TCF4: variants seen among roughly 807,000 people sequenced by gnomAD.
TCF4 encodes the protein SL3-3 enhancer factor 2.
Under a neutral mutation model 82.1 loss-of-function variants are expected in TCF4, and 3 were observed. That is an observed-to-expected ratio of 0.04 (90% CI 0.02 to 0.09). TCF4 has a LOEUF of 0.09. Ranked by LOEUF, TCF4 falls within the 10% of genes least tolerant of loss-of-function variation. TCF4 has a pLI of 1.00. For missense variants in TCF4, 518 were observed against 852.7 expected (o/e 0.61, Z 4.89); for synonymous variants, 276 against 309.6 (o/e 0.89, Z 1.14).
At chr18:55,251,277 A>C (rs930228716) in intron 15 of TCF4, among the ~76,000 whole-genome samples, 2 of 152,142 alleles carry the variant, frequency 1.3e-5, no homozygotes, top group African/African-American at 4.8e-5. Flanking sequence ...GAGAGCTTGC[A>C]AGTATACAAA....
chr18:55,409,513 T>A (rs915191353), intron 5 of TCF4, among the ~76,000 whole-genome samples: 2 of 152,100 alleles, frequency 1.3e-5, no homozygotes, highest in African/African-American at 4.8e-5. Flanking sequence ...GGCTTTCAAT[T>A]TAGTTTTATA....
Position 55,225,398 on chromosome 18 carries a change from T to G in TCF4, c.*2637A>C, listed in dbSNP as rs2046460223. 6.6e-6 allele frequency: 1 copy of G among 152,626 alleles called. No homozygotes were observed. The highest frequency in any genetic ancestry group is 1.5e-5 in the Non-Finnish European group (1 of 68,018). 9.5% of individuals were successfully genotyped at this position (152,626 alleles called of 1,614,324 possible). ...TTTAATTCAGCTCTATTAAGCACCT[T>G]TATGATAACATGTATCAAAAGTGCC... is the stretch of plus-strand genomic sequence containing the variant. On this transcript the variant is annotated 3_prime_UTR_variant, in exon 20 of 20. Coordinates refer to ENST00000354452, the MANE Select transcript of TCF4 (RefSeq NM_001083962.2).
chr18:55,516,109 G>A (rs905550246), intron 3 of TCF4, among the ~76,000 whole-genome samples: 3 of 152,112 alleles, frequency 2.0e-5, no homozygotes, highest in African/African-American at 4.8e-5. Flanking sequence ...GTGTAACAGC[G>A]ATCATTCAGT....
chr18:55,432,281 C>T (rs966097060), intron 5 of TCF4, among the ~76,000 whole-genome samples: 3 of 151,982 alleles, frequency 2.0e-5, no homozygotes, highest in African/African-American at 4.8e-5. Flanking sequence ...CCAGCCTGGG[C>T]GACAGAGTGA....
chr18:55,528,586 A>G (rs143735001), intron 3 of TCF4, among the ~76,000 whole-genome samples: 6 of 152,326 alleles, frequency 3.9e-5, no homozygotes, highest in African/African-American at 1.4e-4. Context: ...TGCTAAAGCC[A>G]CAGACTTGGA....
intron 15 of TCF4, among the ~76,000 whole-genome samples, chr18:55,252,049 G>A (rs975585921): frequency 1.4e-5 from 2 of 147,506 alleles, no homozygotes; most frequent in East Asian, 4.1e-4. Context: ...TTGTTCTTAT[G>A]TTTTTGTTTT....
chr18:55,563,103 G>C (rs990663465), intron 3 of TCF4, among the ~76,000 whole-genome samples: 1 of 151,924 alleles, frequency 6.6e-6, no homozygotes, highest in Non-Finnish European at 1.5e-5. Flanking sequence ...GCCAGCTGTG[G>C]TGGTGCACTC....
chr18:55,444,301 G>A (rs568731953), intron 5 of TCF4, among the ~76,000 whole-genome samples: 7 of 152,278 alleles, frequency 4.6e-5, no homozygotes, highest in Non-Finnish European at 8.8e-5. Flanking sequence ...ATCTTAGACT[G>A]CATTAACACT....
chr18:55,501,802 T>C (rs998304673), intron 3 of TCF4, among the ~76,000 whole-genome samples: 13 of 152,056 alleles, frequency 8.5e-5, no homozygotes, highest in African/African-American at 3.1e-4. Context: ...CCCCATATCA[T>C]GAAAAGGCAA....
chr18:55,598,462 T>G (rs1209999649), intron 2 of TCF4, among the ~76,000 whole-genome samples: 3 of 152,252 alleles, frequency 2.0e-5, no homozygotes, highest in African/African-American at 7.2e-5. Flanking sequence ...TAGGTATACA[T>G]GTGCCATTGG....
chr18:55,308,783 T>C (rs1428929861), intron 8 of TCF4, among the ~76,000 whole-genome samples: 3 of 152,204 alleles, frequency 2.0e-5, no homozygotes, highest in Non-Finnish European at 4.4e-5. Context: ...AAAATGTCAA[T>C]TCTTACATCA....
upstream of TCF4, chr18:55,589,808 A>AGAGAAGGAG: frequency 9.9e-7 from 1 of 1,008,046 alleles, no homozygotes; most frequent in African/African-American, 1.7e-5. Context: ...GGGCTTATAA[A>AGAGAAGGAG]GAGAAGGAGC....
At chr18:55,469,061 A>G (rs2096112814) in intron 3 of TCF4, among the ~76,000 whole-genome samples, 1 of 152,178 alleles carries the variant, frequency 6.6e-6, no homozygotes, top group Non-Finnish European at 1.5e-5. Flanking sequence ...CTAAACCAAG[A>G]TAGATTTAGT....
intron 11 of TCF4, chr18:55,266,670 C>A (rs181471577): frequency 1.3e-5 from 2 of 151,896 alleles, no homozygotes; most frequent in East Asian, 1.9e-4. Context: ...AAAAAAAAAT[C>A]TCTCATTAAT....
chr18:55,589,966 C>T (rs1158478124), upstream of TCF4: 1 of 409,482 alleles, frequency 2.4e-6, no homozygotes, highest in Non-Finnish European at 3.3e-6. Flanking sequence ...AGGCGGGTGG[C>T]TGTTCTCGGG....
At chr18:55,250,725 G>A (rs1175481123) in intron 15 of TCF4, among the ~76,000 whole-genome samples, 1 of 152,102 alleles carries the variant, frequency 6.6e-6, no homozygotes, top group East Asian at 1.9e-4. Context: ...CTTTTCTCCC[G>A]TTTCTATGGA....
At chr18:55,318,548 C>T (rs997888189) in intron 8 of TCF4, among the ~76,000 whole-genome samples, 28 of 152,060 alleles carry the variant, frequency 1.8e-4, no homozygotes, top group African/African-American at 6.8e-4. Flanking sequence ...GAAACTCTCA[C>T]CTGAGGAGAA....
At chr18:55,599,402 A>G (rs544081426) in intron 2 of TCF4, among the ~76,000 whole-genome samples, 141 of 152,214 alleles carry the variant, frequency 9.3e-4, no homozygotes, top group African/African-American at 3.3e-3. Flanking sequence ...TACTTATTAT[A>G]CTTAACACAA....
chr18:55,270,976 C>A (rs2060226566), intron 10 of TCF4, among the ~76,000 whole-genome samples: 1 of 152,012 alleles, frequency 6.6e-6, no homozygotes. Flanking sequence ...GATTATGAGT[C>A]TTTATTATAT....
Sources: allele counts gnomAD v4.1 joint callset (sites outside exome capture counted in the v4.1 genomes callset), GRCh38; gene constraint gnomAD v4.1.1; transcripts MANE v1.5; gene names NCBI Gene and HGNC (gene_info 2026-07-23, HGNC 2026-07-21).